The following ENPP3 variants were observed in gnomAD, a reference collection of about 807,000 sequenced individuals.
The protein encoded by ENPP3 is ectonucleotide pyrophosphatase/phosphodiesterase family member 3.
Under a neutral mutation model 117.8 loss-of-function variants are expected in ENPP3, and 104 were observed. The observed-to-expected ratio is 0.88, with a 90% CI of 0.75 to 1.04. The LOEUF is 1.04. ENPP3 is among the 50% of genes least tolerant of loss of function. The probability of loss-of-function intolerance (pLI) is 0.00; values close to 1 mark genes in which losing one functional copy is unlikely to be tolerated. For synonymous variants in ENPP3, 380 were observed against 349.9 expected, an observed-to-expected ratio of 1.09 and a Z score of -0.96; for missense variants, 1,026 against 1,051.9, an observed-to-expected ratio of 0.98 and a Z score of 0.34.
intron 15 of ENPP3, among the ~76,000 whole-genome samples, chr6:131,694,321 G>A (rs549830305): frequency 6.6e-6 from 1 of 152,296 alleles, no homozygotes; most frequent in Admixed American, 6.5e-5. Flanking sequence ...ATACAGATCT[G>A]TCTCCTGCTC....
At chr6:131,694,610 A>G (rs1458915849) in intron 15 of ENPP3, among the ~76,000 whole-genome samples, 1 of 152,128 alleles carries the variant, frequency 6.6e-6, no homozygotes, top group Non-Finnish European at 1.5e-5. Flanking sequence ...CAATGCGGGC[A>G]GGTCACTTGA....
chr6:131,722,494 G>A (rs1047015972), intron 18 of ENPP3, 89 bp downstream of exon 18: 1 of 1,031,016 alleles, frequency 9.7e-7, no homozygotes, highest in Non-Finnish European at 1.5e-6. Context: ...GCAACAACCA[G>A]GTTTGTGTTC....
intron 15 of ENPP3, among the ~76,000 whole-genome samples, chr6:131,714,201 T>C (rs1779844471): frequency 6.6e-6 from 1 of 150,772 alleles, no homozygotes; most frequent in Non-Finnish European, 1.5e-5. Context: ...CATTGTACAG[T>C]TGAAAATCTT....
chr6:131,721,797 T>G (rs1780039130), intron 17 of ENPP3, among the ~76,000 whole-genome samples: 1 of 152,198 alleles, frequency 6.6e-6, no homozygotes, highest in Middle Eastern at 3.2e-3. Flanking sequence ...ATGATATGCT[T>G]ACGAAACAAA....
chr6:131,721,570 C>A (rs563666399), intron 17 of ENPP3, among the ~76,000 whole-genome samples: 1 of 151,136 alleles, frequency 6.6e-6, no homozygotes, highest in Non-Finnish European at 1.5e-5. Context: ...TACAAACATG[C>A]AAATTGTATG....
intron 23 of ENPP3, among the ~76,000 whole-genome samples, chr6:131,739,272 G>T (rs958085862): frequency 6.6e-6 from 1 of 152,116 alleles, no homozygotes; most frequent in Non-Finnish European, 1.5e-5. Flanking sequence ...GTCAGACTTT[G>T]CACTTAAAAC....
intron 2 of ENPP3, among the ~76,000 whole-genome samples, chr6:131,645,677 A>G (rs116292263): frequency 0.013 from 2,045 of 152,330 alleles, 46 homozygotes; most frequent in African/African-American, 0.045. Flanking sequence ...CTAGGTGTTG[A>G]ATTCTAAGAT....
intron 15 of ENPP3, among the ~76,000 whole-genome samples, chr6:131,706,858 T>TTATA (rs372034391): frequency 6.6e-3 from 983 of 148,906 alleles, no homozygotes; most frequent in Middle Eastern, 0.014. Context: ...ATACATATCT[T>TTATA]TATATATATA....
At chr6:131,680,451 G>T (rs1778999983) in intron 11 of ENPP3, among the ~76,000 whole-genome samples, 1 of 152,150 alleles carries the variant, frequency 6.6e-6, no homozygotes, top group Non-Finnish European at 1.5e-5. Context: ...AATAAATGTG[G>T]ATTTAAAGCT....
At chr6:131,678,907 C>CTCTTTCTTTCTT (rs60304793) in intron 11 of ENPP3, among the ~76,000 whole-genome samples, 4,658 of 71,576 alleles carry the variant, frequency 0.065, 722 homozygotes, top group Non-Finnish European at 0.081. Context: ...CTTTCTTTCT[C>CTCTTTCTTTCTT]TCTTTCTTTC....
At chr6:131,667,545 C>T (rs1025836847) in intron 6 of ENPP3, among the ~76,000 whole-genome samples, 1 of 152,218 alleles carries the variant, frequency 6.6e-6, no homozygotes, top group African/African-American at 2.4e-5. Context: ...GCCAATTTCT[C>T]AGATAGCACC....
chr6:131,646,329 C>T (rs1778153039), intron 2 of ENPP3, among the ~76,000 whole-genome samples: 1 of 148,820 alleles, frequency 6.7e-6, no homozygotes, highest in Admixed American at 6.7e-5. Context: ...AACTCTTTTG[C>T]TCCCTGCATT....
intron 21 of ENPP3, 44 bp downstream of exon 21, chr6:131,733,767 A>T: frequency 6.3e-7 from 1 of 1,598,110 alleles, no homozygotes; most frequent in Non-Finnish European, 8.6e-7. Flanking sequence ...GAAAGCTCTC[A>T]TCAGCTGGAT....
At chr6:131,699,115 G>A (rs1260829140) in intron 15 of ENPP3, among the ~76,000 whole-genome samples, 1 of 149,028 alleles carries the variant, frequency 6.7e-6, no homozygotes, top group East Asian at 2.0e-4. Context: ...GCACATGCCT[G>A]TAGTCCCAGC....
chr6:131,677,963 G>GA (rs374148120), intron 11 of ENPP3, 23 bp downstream of exon 11: 31,530 of 1,132,402 alleles, frequency 0.028, 683 homozygotes, highest in African/African-American at 0.18. Context: ...TTTCTTAAAA[G>GA]AAAAAAAAAA....
At chr6:131,739,952 A>G (rs1780491124) in intron 23 of ENPP3, among the ~76,000 whole-genome samples, 1 of 150,834 alleles carries the variant, frequency 6.6e-6, no homozygotes, top group African/African-American at 2.5e-5. Context: ...ATATATATAT[A>G]TATGTGTGTG....
chr6:131,699,277 A>G (rs1365171002), intron 15 of ENPP3, among the ~76,000 whole-genome samples: 1 of 150,332 alleles, frequency 6.7e-6, no homozygotes, highest in African/African-American at 2.5e-5. Flanking sequence ...GTTTTAGGAC[A>G]TAGTTTTATA....
At chr6:131,709,853 C>T (rs538207207) in intron 15 of ENPP3, 1 of 1,598,088 alleles carries the variant, frequency 6.3e-7, no homozygotes, top group East Asian at 2.2e-5. Context: ...TGATAGAATT[C>T]AGTCATTATT....
intron 23 of ENPP3, 115 bp downstream of exon 23, chr6:131,738,278 T>C (rs1780445156): frequency 3.6e-6 from 3 of 829,760 alleles, no homozygotes; most frequent in Admixed American, 5.9e-5. Flanking sequence ...ACAAATGTTA[T>C]TGTTGACTAT....
Sources: allele counts gnomAD v4.1 joint callset (sites outside exome capture counted in the v4.1 genomes callset), GRCh38; gene constraint gnomAD v4.1.1; transcripts MANE v1.5; gene names NCBI Gene and HGNC (gene_info 2026-07-23, HGNC 2026-07-21).